WSB2: variants seen among roughly 807,000 people sequenced by gnomAD.
The protein encoded by WSB2 is WD repeat and SOCS box containing 2, also known as WD repeat and SOCS box-containing protein 2.
Under a neutral mutation model 48.8 loss-of-function variants are expected in WSB2, and 12 were observed. The observed-to-expected ratio is 0.25, with a 90% CI of 0.16 to 0.40. The LOEUF (loss-of-function observed/expected upper bound fraction) is 0.40, where lower values mean the gene tolerates loss of function less well. WSB2 is among the 10% of genes least tolerant of loss of function. WSB2 has a pLI of 1.00. For missense variants in WSB2, 317 were observed against 506.2 expected (o/e 0.63, Z 3.59); for synonymous variants, 191 against 203.1 (o/e 0.94, Z 0.51).
chr12:118,058,343 C>CTTT (rs1431371956), intron 1 of WSB2, among the ~76,000 whole-genome samples: 1 of 151,976 alleles, frequency 6.6e-6, no homozygotes, highest in African/African-American at 2.4e-5. Context: ...ATACACTTTC[C>CTTT]TTTTTTATTT....
chr12:118,036,596 T>C, intron 5 of WSB2, 86 bp from the exon 6 acceptor site: 1 of 1,401,692 alleles, frequency 7.1e-7, no homozygotes, highest in Non-Finnish European at 9.7e-7. Flanking sequence ...CACCACCAAA[T>C]CTGCAGGCCC....
chr12:118,034,394 T>C, intron 8 of WSB2, 36 bp from the exon 9 acceptor site: 1 of 1,604,670 alleles, frequency 6.2e-7, no homozygotes, highest in South Asian at 1.1e-5. Context: ...AAGACAGAGC[T>C]TGGATGTTCA....
intron 2 of WSB2, among the ~76,000 whole-genome samples, chr12:118,047,219 T>G (rs1260402192): frequency 6.6e-6 from 1 of 152,210 alleles, no homozygotes; most frequent in Non-Finnish European, 1.5e-5. Context: ...TTATTAACTT[T>G]CCTGGGGTCA....
At chr12:118,050,630 C>T (rs1037753346) in intron 2 of WSB2, among the ~76,000 whole-genome samples, 2 of 151,796 alleles carry the variant, frequency 1.3e-5, no homozygotes, top group African/African-American at 4.8e-5. Context: ...CAGAGCAAGA[C>T]CCTCTCTCTC....
At chr12:118,059,504 A>G (rs1174685250) in intron 1 of WSB2, among the ~76,000 whole-genome samples, 2 of 152,266 alleles carry the variant, frequency 1.3e-5, no homozygotes, top group East Asian at 3.9e-4. Flanking sequence ...TTTCCTTTAC[A>G]ATGGGCTTTA....
intron 5 of WSB2, among the ~76,000 whole-genome samples, chr12:118,037,486 G>A (rs2031538974): frequency 6.6e-6 from 1 of 151,960 alleles, no homozygotes; most frequent in Non-Finnish European, 1.5e-5. Context: ...GGCTAATATG[G>A]TGAAACCTCA....
intron 1 of WSB2, among the ~76,000 whole-genome samples, chr12:118,056,508 T>A (rs1411465689): frequency 6.6e-6 from 1 of 152,228 alleles, no homozygotes; most frequent in African/African-American, 2.4e-5. Context: ...GAACTTTGTA[T>A]ATTTATCCCC....
chr12:118,038,867 G>C (rs1224110785), intron 4 of WSB2, among the ~76,000 whole-genome samples: 2 of 152,152 alleles, frequency 1.3e-5, no homozygotes, highest in Non-Finnish European at 2.9e-5. Flanking sequence ...TTTTAGTAGA[G>C]ACAGGGTTTC....
At chr12:118,054,922 T>C (rs192990146) in intron 1 of WSB2, among the ~76,000 whole-genome samples, 3 of 150,032 alleles carry the variant, frequency 2.0e-5, no homozygotes, top group Non-Finnish European at 4.4e-5. Flanking sequence ...CTCACGCCTA[T>C]AATCCTAGCA....
intron 6 of WSB2, chr12:118,035,570 G>A (rs1000854068): frequency 1.9e-5 from 9 of 465,252 alleles, no homozygotes; most frequent in African/African-American, 1.8e-4. Context: ...TGCAAAGTAG[G>A]TCAGCCCTCA....
chr12:118,054,681 A>AAT (rs2031921190), intron 1 of WSB2, among the ~76,000 whole-genome samples: 4 of 130,598 alleles, frequency 3.1e-5, no homozygotes, highest in African/African-American at 1.1e-4. Context: ...CTGTCTCAAA[A>AAT]AATAATAATA....
intron 1 of WSB2, among the ~76,000 whole-genome samples, chr12:118,057,920 CA>C (rs753920450): frequency 5.4e-5 from 8 of 149,028 alleles, no homozygotes; most frequent in South Asian, 2.2e-4. Context: ...CCACACTCAG[CA>C]TTTTTTTTTT....
At chr12:118,045,110 C>G (rs909171228) in intron 2 of WSB2, among the ~76,000 whole-genome samples, 4 of 152,188 alleles carry the variant, frequency 2.6e-5, no homozygotes, top group Admixed American at 2.0e-4. Context: ...GGTGCGGTGG[C>G]TCATGCTTGT....
intron 1 of WSB2, among the ~76,000 whole-genome samples, chr12:118,057,352 G>A (rs1437415019): frequency 1.3e-5 from 2 of 151,850 alleles, no homozygotes; most frequent in African/African-American, 4.8e-5. Flanking sequence ...TCGGCTCATT[G>A]CAACCTCCGC....
chr12:118,038,175 T>C (rs1178895843), intron 5 of WSB2, 113 bp downstream of exon 5: 7 of 957,542 alleles, frequency 7.3e-6, no homozygotes, highest in East Asian at 2.9e-5. Context: ...CCCACCAGCA[T>C]GCCTTCTATT....
intron 4 of WSB2, among the ~76,000 whole-genome samples, chr12:118,041,923 T>G: frequency 6.6e-6 from 1 of 151,832 alleles, no homozygotes; most frequent in East Asian, 1.9e-4. Context: ...CCCAGCTCAT[T>G]TTTGTATTTT....
intron 4 of WSB2, among the ~76,000 whole-genome samples, chr12:118,039,965 C>T (rs542257834): frequency 2.6e-5 from 4 of 152,010 alleles, no homozygotes; most frequent in Non-Finnish European, 2.9e-5. Context: ...AGGCTGGTCT[C>T]GAACTCCTGA....
intron 4 of WSB2, among the ~76,000 whole-genome samples, chr12:118,041,323 C>CA (rs1462905780): frequency 2.0e-5 from 3 of 152,158 alleles, no homozygotes; most frequent in Non-Finnish European, 4.4e-5. Flanking sequence ...GATGAGGATG[C>CA]AGAGAGAAGG....
At chr12:118,048,130 C>T (rs769272280) in intron 2 of WSB2, among the ~76,000 whole-genome samples, 12 of 152,044 alleles carry the variant, frequency 7.9e-5, no homozygotes, top group African/African-American at 9.7e-5. Context: ...AGTCTTGTTA[C>T]GTTGCCCATG....
Sources: allele counts gnomAD v4.1 joint callset (sites outside exome capture counted in the v4.1 genomes callset), GRCh38; gene constraint gnomAD v4.1.1; transcripts MANE v1.5; gene names NCBI Gene and HGNC (gene_info 2026-07-23, HGNC 2026-07-21).